Variants in ADAMTS3 observed in about 807,000 individuals in gnomAD.
The protein encoded by ADAMTS3 is A disintegrin and metalloproteinase with thrombospondin motifs 3.
Under a neutral mutation model 129.0 loss-of-function variants are expected in ADAMTS3, and 73 were observed. The observed-to-expected ratio is 0.57, with a 90% CI of 0.47 to 0.69. ADAMTS3 has a LOEUF of 0.69. ADAMTS3 is among the 30% of genes least tolerant of loss of function. The pLI is 0.00. For synonymous variants in ADAMTS3, 477 were observed against 510.8 expected (o/e 0.93, Z 0.89); for missense variants, 1,457 against 1,514.5 (o/e 0.96, Z 0.63).
intron 3 of ADAMTS3, among the ~76,000 whole-genome samples, chr4:72,498,425 G>A (rs1030417260): frequency 2.0e-5 from 3 of 151,696 alleles, no homozygotes; most frequent in Admixed American, 2.0e-4. Context: ...AGTTTTACTA[G>A]AAAAGCCTGT....
intron 4 of ADAMTS3, among the ~76,000 whole-genome samples, chr4:72,402,211 A>G (rs1021258931): frequency 6.6e-6 from 1 of 152,182 alleles, no homozygotes; most frequent in African/African-American, 2.4e-5. Context: ...GCATCTTTGA[A>G]TATTCACATG....
At chr4:72,445,888 A>G (rs1416075387) in intron 3 of ADAMTS3, among the ~76,000 whole-genome samples, 2 of 151,808 alleles carry the variant, frequency 1.3e-5, no homozygotes, top group African/African-American at 2.4e-5. Context: ...AAACAATACT[A>G]AAGGCATCAT....
intron 19 of ADAMTS3, among the ~76,000 whole-genome samples, chr4:72,291,803 C>G (rs1489275963): frequency 6.6e-6 from 1 of 152,104 alleles, no homozygotes; most frequent in Admixed American, 6.5e-5. Context: ...ATTTCTAGTT[C>G]TAGATCCCTG....
At chr4:72,329,618 G>A (rs1719792392) in intron 5 of ADAMTS3, among the ~76,000 whole-genome samples, 1 of 151,954 alleles carries the variant, frequency 6.6e-6, no homozygotes, top group Non-Finnish European at 1.5e-5. Context: ...TGCTGTTGTT[G>A]CTGTTTTGTC....
At chr4:72,510,407 TAAAC>T (rs1416851400) in intron 3 of ADAMTS3, among the ~76,000 whole-genome samples, 4 of 152,020 alleles carry the variant, frequency 2.6e-5, no homozygotes, top group Non-Finnish European at 4.4e-5. Flanking sequence ...TTAGAAATGA[TAAAC>T]AAATTCAGTA....
Position 72,568,708 on chromosome 4 carries a change from A to C in ADAMTS3, c.55T>G (p.Ser19Ala), listed in dbSNP as rs377263683. ...TTTCCACTTACTTGTCCATCAGCTG[A>C]AGTCCTAACCTCTACCAGAGCGGCT... ...IAAALVEVRT[S>A]ADGQAGNEEM... The change falls in exon 1 of 22, where the codon TCA (serine) becomes GCA (alanine). Residue 19 changes from serine (S) to alanine (A), a missense_variant. Coordinates refer to ENST00000286657, the MANE Select transcript of ADAMTS3 (RefSeq NM_014243.3). 4.3e-6 allele frequency: 7 copies of C among 1,613,628 alleles called. No homozygotes were observed. The African/African-American group carries it at 8.0e-5, about 18-fold the overall frequency.
intron 5 of ADAMTS3, among the ~76,000 whole-genome samples, chr4:72,328,101 C>T (rs1385073439): frequency 1.3e-5 from 2 of 152,172 alleles, no homozygotes; most frequent in East Asian, 3.9e-4. Context: ...CAAAAAAACA[C>T]TGAGTATCTT....
chr4:72,424,655 T>C (rs1722526382), intron 3 of ADAMTS3, among the ~76,000 whole-genome samples: 1 of 151,650 alleles, frequency 6.6e-6, no homozygotes, highest in Non-Finnish European at 1.5e-5. Context: ...ATTGAGGACC[T>C]TTCTCAATAT....
In ADAMTS3 at chr4:72,283,108, T is replaced by C; in HGVS notation, c.*28A>G. 1.3e-6 allele frequency: 2 copies of C among 1,559,206 alleles called. No homozygotes were observed. Among genetic ancestry groups the C allele is most frequent in the East Asian group, 2.3e-5 (1 of 44,416 alleles). On this transcript the variant is annotated 3_prime_UTR_variant, in exon 22 of 22. Coordinates refer to ENST00000286657, the MANE Select transcript of ADAMTS3 (RefSeq NM_014243.3). ...GAGAGAGGTTGTCCAGGTTTTCCTCTGGTTTCTAGCCTTTTTGGTTCACTT... is the reference window on the plus strand; with the variant it reads ...GAGAGAGGTTGTCCAGGTTTTCCTCCGGTTTCTAGCCTTTTTGGTTCACTT...
chr4:72,294,428 T>C (rs1203970736), intron 19 of ADAMTS3, among the ~76,000 whole-genome samples: 1 of 152,094 alleles, frequency 6.6e-6, no homozygotes, highest in Admixed American at 6.6e-5. Flanking sequence ...TATTTCAAAA[T>C]TGCTAGGAGA....
In ADAMTS3 at chr4:72,517,440, A is replaced by G. The variant is rs1450044330; in HGVS notation, c.504+31038T>C. On this transcript the variant is annotated intron_variant, in intron 3 of 21. Coordinates refer to ENST00000286657, the MANE Select transcript of ADAMTS3 (RefSeq NM_014243.3). ...CAGTTCCTCCTTGTACCTCTGGTAG[A>G]ATTCGGCTGTGAATCCATCTGGTCC... 8.5e-5 allele frequency among the ~76,000 whole-genome samples: 13 copies of G among 152,334 alleles called. No individual in the cohort carries two copies. The South Asian group carries it at 2.5e-3, about 29-fold the overall frequency.
intron 14 of ADAMTS3, 53 bp from the exon 15 acceptor site, chr4:72,309,573 C>A: frequency 6.3e-7 from 1 of 1,589,670 alleles, no homozygotes; most frequent in South Asian, 1.1e-5. Context: ...CAGTAGTGGT[C>A]AACATCCCAG....
At chr4:72,550,050 AGGAAG>A (rs1448045173) in intron 2 of ADAMTS3, among the ~76,000 whole-genome samples, 4 of 6,002 alleles carry the variant, frequency 6.7e-4, no homozygotes, top group Non-Finnish European at 1.3e-3. Context: ...GAAGAGGAAG[AGGAAG>A]AGGAAGAGGA....
chr4:72,298,494 G>C (rs1364934003), intron 17 of ADAMTS3, 52 bp from the exon 18 acceptor site: 1 of 1,382,024 alleles, frequency 7.2e-7, no homozygotes, highest in Non-Finnish European at 9.8e-7. Flanking sequence ...TTTAAATTTT[G>C]AGTGTAAAAT....
At chr4:72,352,003 CA>C (rs141731622) in intron 4 of ADAMTS3, among the ~76,000 whole-genome samples, 3 of 150,536 alleles carry the variant, frequency 2.0e-5, no homozygotes, top group South Asian at 2.1e-4. Flanking sequence ...ACAGCTCACT[CA>C]AAAAAAAATC....
chr4:72,331,976 A>G (rs781394647), intron 5 of ADAMTS3, among the ~76,000 whole-genome samples: 1 of 152,220 alleles, frequency 6.6e-6, no homozygotes, highest in Non-Finnish European at 1.5e-5. Flanking sequence ...ACCTGCTACA[A>G]TTAGCTCCTT....
At position 72,320,883 on chromosome 4, in the gene ADAMTS3, AAT is replaced by A. The variant is rs1292865327; in HGVS notation, c.946-15_946-14del. 1.2e-6 allele frequency: 2 copies of A among 1,611,854 alleles called. No individual in the cohort carries two copies. Among genetic ancestry groups the A allele is most frequent in the African/African-American group, 1.3e-5 (1 of 74,776 alleles). On this transcript the variant is annotated splice_polypyrimidine_tract_variant and intron_variant, in intron 6 of 21. Transcript: ENST00000286657. ...TGAGGCTGATGGACTAAGTGAAAACAATATGTTAAAGACACACCTGACAATTT... is the reference window on the plus strand; with the variant it reads ...TGAGGCTGATGGACTAAGTGAAAACAATGTTAAAGACACACCTGACAATTT...
chr4:72,414,708 C>T (rs1367867783), intron 4 of ADAMTS3, 107 bp downstream of exon 4: 8 of 876,524 alleles, frequency 9.1e-6, no homozygotes, highest in South Asian at 4.2e-5. Context: ...TCTATCTCCG[C>T]GTTATACAAG....
chr4:72,521,921 A>G (rs1460646477), intron 3 of ADAMTS3, among the ~76,000 whole-genome samples: 1 of 152,230 alleles, frequency 6.6e-6, no homozygotes, highest in Non-Finnish European at 1.5e-5. Flanking sequence ...GATCACTGGA[A>G]TAAGATCAGA....
Sources: allele counts gnomAD v4.1 joint callset (sites outside exome capture counted in the v4.1 genomes callset), GRCh38; gene constraint gnomAD v4.1.1; transcripts MANE v1.5; gene names NCBI Gene and HGNC (gene_info 2026-07-23, HGNC 2026-07-21).